Variants in PREX2 observed in about 807,000 individuals in gnomAD.
The protein encoded by PREX2 is phosphatidylinositol 3,4,5-trisphosphate-dependent Rac exchanger 2 protein.
PREX2 carries 107 observed loss-of-function variants against 203.2 expected under a neutral mutation model. The ratio of observed to expected loss-of-function variants is 0.53; its 90% CI spans 0.45 to 0.62. The LOEUF (loss-of-function observed/expected upper bound fraction) is 0.62, where lower values mean the gene tolerates loss of function less well. PREX2 is among the 20% of genes least tolerant of loss of function. The pLI is 0.00. For missense variants in PREX2, 1,777 were observed against 1,955.9 expected (o/e 0.91, Z 1.72); for synonymous variants, 672 against 663.6 (o/e 1.01, Z -0.19).
chr8:68,014,603 G>A (rs1225000848), intron 1 of PREX2, among the ~76,000 whole-genome samples: 3 of 152,170 alleles, frequency 2.0e-5, no homozygotes, highest in African/African-American at 7.2e-5. Context: ...TGGGAGGCAC[G>A]TCCTCTGCGG....
At chr8:68,112,461 G>A (rs1449181923) in intron 25 of PREX2, among the ~76,000 whole-genome samples, 1 of 152,048 alleles carries the variant, frequency 6.6e-6, no homozygotes, top group African/African-American at 2.4e-5. Flanking sequence ...CACACTTTAA[G>A]ACAGTTAGTA....
At chr8:67,955,166 A>AG in intron 1 of PREX2, among the ~76,000 whole-genome samples, 1 of 151,016 alleles carries the variant, frequency 6.6e-6, no homozygotes, top group African/African-American at 2.4e-5. Context: ...AAAAAAAAAA[A>AG]AAAAAGAAAT....
At chr8:68,213,420 A>G (rs1812778077) in intron 37 of PREX2, among the ~76,000 whole-genome samples, 1 of 152,240 alleles carries the variant, frequency 6.6e-6, no homozygotes, top group Non-Finnish European at 1.5e-5. Flanking sequence ...AAGCTTTTGT[A>G]GCTCCACAGT....
At position 68,235,906 on chromosome 8, in the gene PREX2, T is replaced by G. The variant is rs1046089630; in HGVS notation, c.*4528T>G. The G allele has an allele frequency of 6.6e-6, 1 of 152,286 alleles. No homozygotes were observed. The highest frequency in any genetic ancestry group is 6.5e-5 in the Admixed American group (1 of 15,276). 9.4% of individuals were successfully genotyped at this position (152,286 alleles called of 1,614,324 possible). On this transcript the variant is annotated 3_prime_UTR_variant, in exon 40 of 40. Coordinates refer to ENST00000288368, the MANE Select transcript of PREX2 (RefSeq NM_024870.4). ...ATTGTTATGTAGACACAAGGCCTGC[T>G]TCACTCAGGATAGCTTGCTCCTCTC...
intron 5 of PREX2, among the ~76,000 whole-genome samples, chr8:68,029,081 T>C (rs1453557725): frequency 6.6e-6 from 1 of 152,100 alleles, no homozygotes; most frequent in Non-Finnish European, 1.5e-5. Context: ...TCTGCTGGGA[T>C]TTTCTTTGAT....
intron 31 of PREX2, among the ~76,000 whole-genome samples, chr8:68,129,939 A>G (rs1036032610): frequency 5.3e-5 from 8 of 151,794 alleles, no homozygotes; most frequent in Middle Eastern, 3.4e-3. Flanking sequence ...CTAGTAGCTG[A>G]AAGCAGATGT....
At chr8:67,975,128 T>C (rs1341552191) in intron 1 of PREX2, among the ~76,000 whole-genome samples, 1 of 152,314 alleles carries the variant, frequency 6.6e-6, no homozygotes, top group East Asian at 1.9e-4. Flanking sequence ...ATTTTTATTT[T>C]GTCCCTCGCT....
At chr8:68,045,532 T>C (rs1286031105) in intron 8 of PREX2, among the ~76,000 whole-genome samples, 6 of 152,052 alleles carry the variant, frequency 3.9e-5, no homozygotes, top group Non-Finnish European at 8.8e-5. Context: ...TCAATACCAT[T>C]GTTAGCATCC....
intron 1 of PREX2, among the ~76,000 whole-genome samples, chr8:67,975,446 G>A (rs546419154): frequency 2.0e-5 from 3 of 151,936 alleles, no homozygotes; most frequent in South Asian, 2.1e-4. Flanking sequence ...GAATGAATGA[G>A]TGAATACATG....
At chr8:68,140,494 G>A (rs1229687456) in intron 33 of PREX2, among the ~76,000 whole-genome samples, 1 of 152,214 alleles carries the variant, frequency 6.6e-6, no homozygotes, top group Non-Finnish European at 1.5e-5. Flanking sequence ...TGCATTGCAT[G>A]TAGTTTGATC....
intron 1 of PREX2, among the ~76,000 whole-genome samples, chr8:68,013,500 C>A (rs1160066356): frequency 2.0e-5 from 3 of 152,162 alleles, no homozygotes; most frequent in Non-Finnish European, 4.4e-5. Flanking sequence ...ACCTTCTTCA[C>A]TTTCAGTCTT....
intron 23 of PREX2, chr8:68,106,048 A>T (rs1050424674): frequency 4.6e-6 from 1 of 219,702 alleles, no homozygotes; most frequent in Non-Finnish European, 9.0e-6. Context: ...CTACTAGACC[A>T]TGAACTCCAG....
rs140403199 is a variant in PREX2 at position 68,090,703 on chromosome 8, G to A, written c.2238G>A (p.Arg746=). ...ACGTTACAGCCTGCAGGAAGTACAG[G>A]CGGCCAACGAAGGTAAGTGGCCCTT... ...IAHVTACRKY[R]RPTKQDSIQW... Residue 746 remains arginine, a synonymous_variant, in exon 20 of 40, where the codon AGG becomes AGA. Transcript: ENST00000288368. 21 of 1,613,454 alleles carry A rather than the reference G, an allele frequency of 1.3e-5. No homozygotes were observed. The highest frequency in any genetic ancestry group is 1.6e-5 in the Non-Finnish European group (19 of 1,179,530).
intron 15 of PREX2, among the ~76,000 whole-genome samples, chr8:68,078,163 T>G (rs1230337253): frequency 6.6e-6 from 1 of 152,044 alleles, no homozygotes; most frequent in East Asian, 1.9e-4. Flanking sequence ...CTCTCTCTTT[T>G]TATTTATTTA....
chr8:68,076,314 G>A (rs1471134814), intron 14 of PREX2, among the ~76,000 whole-genome samples: 2 of 151,960 alleles, frequency 1.3e-5, no homozygotes, highest in Non-Finnish European at 2.9e-5. Context: ...AAAATTAGCC[G>A]GGTGTGTTGG....
At chr8:68,161,680 T>C (rs530339648) in intron 35 of PREX2, among the ~76,000 whole-genome samples, 22 of 152,200 alleles carry the variant, frequency 1.4e-4, no homozygotes, top group African/African-American at 4.8e-4. Flanking sequence ...TGTGACCATA[T>C]AAAGTTCTCT....
At chr8:68,085,918 A>G (rs1431529844) in intron 18 of PREX2, among the ~76,000 whole-genome samples, 1 of 152,200 alleles carries the variant, frequency 6.6e-6, no homozygotes, top group Non-Finnish European at 1.5e-5. Flanking sequence ...TGAAAGTTCT[A>G]TGTTGTTTCA....
intron 1 of PREX2, among the ~76,000 whole-genome samples, chr8:67,957,414 CCA>C (rs1488982384): frequency 1.3e-5 from 2 of 152,098 alleles, no homozygotes; most frequent in African/African-American, 4.8e-5. Flanking sequence ...CCCTGGAGCT[CCA>C]GAGGCCCTTG....
intron 31 of PREX2, among the ~76,000 whole-genome samples, chr8:68,130,127 A>AAG (rs1554579700): frequency 1.3e-5 from 2 of 151,288 alleles, no homozygotes; most frequent in African/African-American, 4.9e-5. Context: ...AAAAAAAAAA[A>AAG]AAAAAATTAA....
Sources: gnomAD v4.1 joint callset for allele counts (sites outside exome capture counted in the v4.1 genomes callset) on GRCh38, gnomAD v4.1.1 for gene constraint, MANE v1.5 for transcripts, NCBI Gene and HGNC (gene_info 2026-07-23, HGNC 2026-07-21) for gene names.